The following NAA25 variants were observed in gnomAD, a reference collection of about 807,000 sequenced individuals.
NAA25 encodes the protein N-alpha-acetyltransferase 25, NatB auxiliary subunit.
NAA25 carries 30 observed loss-of-function variants against 132.5 expected under a neutral mutation model. The observed-to-expected ratio is 0.23, with a 90% CI of 0.17 to 0.31. The LOEUF (loss-of-function observed/expected upper bound fraction) is 0.31. NAA25 is among the 10% of genes least tolerant of loss of function. The probability of loss-of-function intolerance (pLI) is 1.00; values close to 1 mark genes in which losing one functional copy is unlikely to be tolerated. For missense variants in NAA25, 771 were observed against 1,150.4 expected (o/e 0.67, Z 4.77); for synonymous variants, 359 against 401.9 (o/e 0.89, Z 1.28).
At position 112,043,223 on chromosome 12, in the gene NAA25, G is replaced by T; in HGVS notation, c.2251-12C>A. On this transcript the variant is annotated splice_polypyrimidine_tract_variant and intron_variant, in intron 18 of 23. Coordinates refer to ENST00000261745, the MANE Select transcript of NAA25 (RefSeq NM_024953.4). ...CCAAGGAAAGGATACTGGAAAAAAG[G>T]GAGAAAAATAATGCTCTTTTAAATC... is the stretch of plus-strand genomic sequence containing the variant. 6.4e-7 allele frequency: 1 copy of T among 1,568,008 alleles called. No homozygotes were observed. The highest frequency in any genetic ancestry group is 8.6e-7 in the Non-Finnish European group (1 of 1,159,056).
At chr12:112,064,243 T>G (rs1435372672) in intron 11 of NAA25, 1 of 152,360 alleles carries the variant, frequency 6.6e-6, no homozygotes, top group Non-Finnish European at 1.5e-5. Context: ...TTGTTGTTTT[T>G]GAGACGGAGT....
At chr12:112,094,096 C>A (rs1164224585) in intron 1 of NAA25, among the ~76,000 whole-genome samples, 1 of 151,756 alleles carries the variant, frequency 6.6e-6, no homozygotes, top group Admixed American at 6.6e-5. Flanking sequence ...AAAAAATTAG[C>A]CAGGCGTGGT....
Position 112,043,642 on chromosome 12 carries a change from T to G in NAA25, c.2233A>C (p.Ile745Leu). ...GATGGTACCTGAATATCCTTCTCAA[T>G]AAATCGCTTTCCTGTCTCCAGGGTT... ...EATLETGKRF[I>L]EKDIQYPFLG... The change falls in exon 18 of 24, where the codon ATT (isoleucine) becomes CTT (leucine). Residue 745 changes from isoleucine to leucine, a missense_variant. Physicochemically the swap from Ile to Leu is conservative, Grantham distance 5 (BLOSUM62 2). This residue lies in a region of NAA25 where 324 missense variants were observed against 400.0 expected (regional missense o/e 0.81). Coordinates refer to ENST00000261745, the MANE Select transcript of NAA25 (RefSeq NM_024953.4). The G allele has an allele frequency of 6.2e-7, 1 of 1,614,198 alleles. No homozygotes were observed. The highest frequency in any genetic ancestry group is 8.5e-7 in the Non-Finnish European group (1 of 1,180,030).
At chr12:112,037,245 G>C (rs2078234628) in intron 22 of NAA25, among the ~76,000 whole-genome samples, 1 of 136,252 alleles carries the variant, frequency 7.3e-6, no homozygotes, top group Non-Finnish European at 1.6e-5. Context: ...AGTCCATGGT[G>C]ATACTCAGAT....
intron 10 of NAA25, among the ~76,000 whole-genome samples, chr12:112,070,837 C>A (rs1354821060): frequency 6.6e-6 from 1 of 152,180 alleles, no homozygotes; most frequent in Admixed American, 6.5e-5. Context: ...ACCTGTACCT[C>A]CCAGGTTCAA....
chr12:112,054,391 A>G lies in NAA25; in HGVS notation c.1625T>C (p.Ile542Thr), dbSNP rs2078513777. 4 of 1,613,846 alleles carry G rather than the reference A, an allele frequency of 2.5e-6. No homozygotes were observed. Among genetic ancestry groups the G allele is most frequent in the Non-Finnish European group, 3.4e-6 (4 of 1,179,790 alleles). ...LDAKHIQHDT[I>T]GYLLTRYAES... ...ATTCAGAGTATATACTACCAACCCAATGGTATCATGCTGGATATGCTTAGC... is the reference window on the plus strand; with the variant it reads ...ATTCAGAGTATATACTACCAACCCAGTGGTATCATGCTGGATATGCTTAGC... Residue 542 changes from isoleucine (I) to threonine (T), a missense_variant, in exon 14 of 24, where the codon ATT (isoleucine) becomes ACT (threonine). Physicochemically the swap from Ile to Thr is moderately conservative, Grantham distance 89 (BLOSUM62 -1). Transcript: ENST00000261745.
intron 2 of NAA25, among the ~76,000 whole-genome samples, chr12:112,091,961 C>G (rs545573901): frequency 2.6e-5 from 4 of 152,198 alleles, no homozygotes; most frequent in Non-Finnish European, 5.9e-5. Flanking sequence ...AATATCACAG[C>G]CAGGCACAGT....
rs766234998 is a variant in NAA25 at position 112,075,696 on chromosome 12, C to T, written c.758G>A (p.Arg253Gln). 9.9e-6 allele frequency: 16 copies of T among 1,613,652 alleles called. No individual in the cohort carries two copies. The highest frequency in any genetic ancestry group is 2.2e-5 in the East Asian group (1 of 44,870). ...TACTCACTTTTTTAGTAAGAGGCGC[C>T]GGGAAAGGGCATTGCACTCTGGCCA... ...SRWPECNALS[R>Q]RLLLKNSDDW... Residue 253 changes from arginine to glutamine, a missense_variant, in exon 8 of 24, where the codon CGG (arginine) becomes CAG (glutamine). Physicochemically the swap from Arg to Gln is conservative, Grantham distance 43. Coordinates refer to ENST00000261745, the MANE Select transcript of NAA25 (RefSeq NM_024953.4).
chr12:112,067,235 A>G (rs1382089575), intron 11 of NAA25, among the ~76,000 whole-genome samples: 1 of 152,122 alleles, frequency 6.6e-6, no homozygotes, highest in Admixed American at 6.6e-5. Context: ...ACAAGACATT[A>G]AAAGGAGAGC....
intron 10 of NAA25, among the ~76,000 whole-genome samples, chr12:112,069,580 G>C (rs904451815): frequency 1.7e-4 from 26 of 151,934 alleles, no homozygotes; most frequent in Admixed American, 6.6e-4. Context: ...CAGCACTTTG[G>C]GAGGCCAAGG....
rs903113074 is a variant in NAA25, at chr12:112,060,183, A to G, written c.1447+87T>C. The G allele has an allele frequency of 4.6e-6, 4 of 867,902 alleles. No homozygotes were observed. In the African/African-American group the frequency reaches 6.9e-5, roughly 15 times the overall value. The allele number at this position is 867,902 out of a possible 1,614,324, so 53.8% of individuals were successfully genotyped here. ...CTAAAAGCATAAATAAAATTTGTGG[A>G]TTGTAAAATTAGTCTAATGAAAGAA... On this transcript the variant is annotated intron_variant, in intron 13 of 23. Coordinates refer to ENST00000261745, the MANE Select transcript of NAA25 (RefSeq NM_024953.4).
At chr12:112,048,555 T>C in intron 15 of NAA25, 112 bp from the exon 16 acceptor site, 1 of 837,232 alleles carries the variant, frequency 1.2e-6, no homozygotes. Flanking sequence ...TTAAATCTAA[T>C]CTTTAAAGGT....
At chr12:112,097,146 C>T (rs1051518491) in intron 1 of NAA25, 1 of 152,138 alleles carries the variant, frequency 6.6e-6, no homozygotes, top group Non-Finnish European at 1.5e-5. Flanking sequence ...CAGGTTTCTT[C>T]CTGGTACTCT....
At chr12:112,059,876 C>G (rs2078600791) in intron 13 of NAA25, among the ~76,000 whole-genome samples, 1 of 150,958 alleles carries the variant, frequency 6.6e-6, no homozygotes, top group Non-Finnish European at 1.5e-5. Context: ...GGCATGATCA[C>G]AGCTCACTGC....
In NAA25 at chr12:112,102,677, C is replaced by T. The variant is rs979343712; in HGVS notation, c.58+6039G>A. On this transcript the variant is annotated intron_variant, in intron 1 of 23. Coordinates refer to ENST00000261745, the MANE Select transcript of NAA25 (RefSeq NM_024953.4). ...GAAGTTCCTGGGTTCAAGCATGCAC[C>T]ATCACACTAGCTGCCCCCCCGCCCC... 2.0e-5 allele frequency among the ~76,000 whole-genome samples: 3 copies of T among 150,096 alleles called. No individual in the cohort carries two copies. The East Asian group carries it at 6.1e-4, about 31-fold the overall frequency.
rs1010131065 is a variant in NAA25, at chr12:112,049,930, C to T, written c.1729-1487G>A. Among the ~76,000 whole-genome samples the T allele has an allele frequency of 4.6e-5, 7 of 151,632 alleles. No individual in the cohort carries two copies. Among genetic ancestry groups the T allele is most frequent in the Admixed American group, 6.6e-5 (1 of 15,196 alleles). ...AAAAGAAAATATGACTTTAGTAATT[C>T]CAATCAAAGTTATAATTACAGTTCC... On this transcript the variant is annotated intron_variant, in intron 15 of 23. Coordinates refer to ENST00000261745, the MANE Select transcript of NAA25 (RefSeq NM_024953.4). This position sits in a 1 kb window ranked among gnomAD's most constrained non-coding sequence, Gnocchi z 4.7.
intron 2 of NAA25, among the ~76,000 whole-genome samples, chr12:112,091,268 T>C (rs4767376): frequency 0.22 from 31,952 of 144,606 alleles, 5,470 homozygotes; most frequent in East Asian, 0.85. Context: ...AAGTGAACAA[T>C]AGGACTGGCA....
At chr12:112,067,060 G>A (rs1419741140) in intron 11 of NAA25, among the ~76,000 whole-genome samples, 1 of 152,066 alleles carries the variant, frequency 6.6e-6, no homozygotes, top group East Asian at 1.9e-4. Context: ...AAATCATCCA[G>A]GCATAGTAGC....
At position 112,054,427 on chromosome 12, in the gene NAA25, G is replaced by T; in HGVS notation, c.1589C>A (p.Ser530Tyr). Residue 530 changes from serine (S) to tyrosine (Y), a missense_variant, in exon 14 of 24, where the codon TCC (serine) becomes TAC (tyrosine). Physicochemically the swap from Ser to Tyr is moderately radical, Grantham distance 144. This residue lies in a region of NAA25 where 417 missense variants were observed against 733.8 expected (regional missense o/e 0.57). Transcript: ENST00000261745. ...CTGGATATGCTTAGCATCGAGGCTG[G>T]AGTAAAGATCCACCACTGGTTCAAA... Reference protein sequence around the residue: ...GAFEPVVDLYSSLDAKHIQHD... With the variant: ...GAFEPVVDLYYSLDAKHIQHD... The T allele has an allele frequency of 6.2e-7, 1 of 1,614,156 alleles. No homozygotes were observed. Among genetic ancestry groups the T allele is most frequent in the Non-Finnish European group, 8.5e-7 (1 of 1,180,016 alleles).
Sources: gnomAD v4.1 joint callset for allele counts (sites outside exome capture counted in the v4.1 genomes callset) on GRCh38, gnomAD v4.1.1 for gene constraint, gnomAD v4.1.1 regional missense constraint, Gnocchi (gnomAD v3.1) non-coding constraint, MANE v1.5 for transcripts, NCBI Gene and HGNC (gene_info 2026-07-23, HGNC 2026-07-21) for gene names.